The following PRKACB variants were observed in gnomAD, a reference collection of about 807,000 sequenced individuals.
PRKACB encodes the protein cAMP-dependent protein kinase catalytic subunit beta.
PRKACB carries 16 observed loss-of-function variants against 51.4 expected under a neutral mutation model. The observed-to-expected ratio is 0.31, with a 90% CI of 0.21 to 0.47. The LOEUF is 0.47. Ranked by LOEUF, PRKACB falls within the 20% of genes least tolerant of loss-of-function variation. PRKACB has a pLI of 1.00. For synonymous variants in PRKACB, 147 were observed against 154.4 expected, an observed-to-expected ratio of 0.95 and a Z score of 0.35; for missense variants, 309 against 464.5, an observed-to-expected ratio of 0.67 and a Z score of 3.08.
chr1:84,081,095 G>A (rs1275622897), intron 1 of PRKACB, among the ~76,000 whole-genome samples: 1 of 152,168 alleles, frequency 6.6e-6, no homozygotes, highest in Non-Finnish European at 1.5e-5. Flanking sequence ...TTGAAAAGTT[G>A]ATTAAAAATA....
intron 8 of PRKACB, among the ~76,000 whole-genome samples, chr1:84,206,822 G>A (rs915996460): frequency 1.3e-5 from 2 of 152,170 alleles, no homozygotes; most frequent in Non-Finnish European, 2.9e-5. Flanking sequence ...TACTATTCAA[G>A]TTGCCAGACA....
At chr1:84,227,370 GT>G (rs1421958180) in intron 9 of PRKACB, among the ~76,000 whole-genome samples, 5 of 151,554 alleles carry the variant, frequency 3.3e-5, no homozygotes, top group Admixed American at 3.3e-4. Context: ...TATCTTTATT[GT>G]TGTATTTATT....
intron 1 of PRKACB, among the ~76,000 whole-genome samples, chr1:84,105,346 A>G (rs912998233): frequency 6.6e-6 from 1 of 152,136 alleles, no homozygotes. Flanking sequence ...TCTTTCATGG[A>G]AAAGTCATTC....
chr1:84,220,300 C>A (rs1452743349), intron 9 of PRKACB, among the ~76,000 whole-genome samples: 1 of 151,854 alleles, frequency 6.6e-6, no homozygotes, highest in Non-Finnish European at 1.5e-5. Flanking sequence ...TTTTTATGTT[C>A]ATTTTGTATT....
At chr1:84,175,082 A>G in intron 1 of PRKACB, 1 of 1,418,898 alleles carries the variant, frequency 7.0e-7, no homozygotes, top group Non-Finnish European at 9.2e-7. Flanking sequence ...TTAATAAAAC[A>G]AATATTACCT....
intron 1 of PRKACB, among the ~76,000 whole-genome samples, chr1:84,090,869 G>T (rs570768173): frequency 1.1e-3 from 168 of 152,252 alleles, no homozygotes; most frequent in African/African-American, 3.9e-3. Flanking sequence ...TTGGGGACAT[G>T]TAGAAATCAC....
intron 8 of PRKACB, among the ~76,000 whole-genome samples, chr1:84,205,874 A>G (rs1282598890): frequency 6.6e-6 from 1 of 152,080 alleles, no homozygotes; most frequent in Non-Finnish European, 1.5e-5. Flanking sequence ...TGAGTCTACA[A>G]ATTCATAGTT....
chr1:84,223,694 C>T (rs1674120721), intron 9 of PRKACB, among the ~76,000 whole-genome samples: 1 of 152,002 alleles, frequency 6.6e-6, no homozygotes, highest in South Asian at 2.1e-4. Context: ...TATGCTATCT[C>T]TCTGTTGAAT....
At chr1:84,111,525 G>T (rs1312546679) in intron 1 of PRKACB, among the ~76,000 whole-genome samples, 1 of 151,874 alleles carries the variant, frequency 6.6e-6, no homozygotes, top group Non-Finnish European at 1.5e-5. Flanking sequence ...TCCATTATTT[G>T]ATTTTATAGA....
chr1:84,185,417 AT>A (rs1664799338), intron 5 of PRKACB, among the ~76,000 whole-genome samples: 1 of 151,840 alleles, frequency 6.6e-6, no homozygotes, highest in Non-Finnish European at 1.5e-5. Context: ...ACTGCTAGAT[AT>A]TGTGAGGGTC....
At chr1:84,215,499 C>T (rs965786803) in intron 9 of PRKACB, among the ~76,000 whole-genome samples, 1 of 152,102 alleles carries the variant, frequency 6.6e-6, no homozygotes, top group African/African-American at 2.4e-5. Context: ...ACTCTTTGCT[C>T]GCTAAAGGGA....
chr1:84,197,043 T>G (rs755942839), intron 6 of PRKACB, among the ~76,000 whole-genome samples: 2 of 152,190 alleles, frequency 1.3e-5, no homozygotes, highest in Non-Finnish European at 2.9e-5. Context: ...TTTACATGTA[T>G]TATTTCTTTA....
chr1:84,145,419 C>G (rs1357360858), intron 1 of PRKACB, among the ~76,000 whole-genome samples: 3 of 152,090 alleles, frequency 2.0e-5, no homozygotes, highest in Admixed American at 1.3e-4. Context: ...TAGCGTTTGA[C>G]TCTTTCTGTT....
chr1:84,098,182 A>G (rs938894981), intron 1 of PRKACB, among the ~76,000 whole-genome samples: 4 of 152,026 alleles, frequency 2.6e-5, no homozygotes, highest in Non-Finnish European at 4.4e-5. Context: ...TCTTTTGCCT[A>G]TTTTTCTACT....
chr1:84,234,386 C>T (rs1321057134), intron 9 of PRKACB, among the ~76,000 whole-genome samples: 1 of 152,182 alleles, frequency 6.6e-6, no homozygotes, highest in Non-Finnish European at 1.5e-5. Flanking sequence ...TGCCCTGCCC[C>T]CAGAGGTGGA....
intron 5 of PRKACB, among the ~76,000 whole-genome samples, chr1:84,185,567 AAAT>A (rs1664839891): frequency 6.6e-6 from 1 of 151,750 alleles, no homozygotes; most frequent in South Asian, 2.1e-4. Context: ...ATATATAGAG[AAAT>A]AATAATAATA....
intron 5 of PRKACB, among the ~76,000 whole-genome samples, chr1:84,191,481 T>C (rs1666774893): frequency 6.6e-6 from 1 of 152,086 alleles, no homozygotes; most frequent in African/African-American, 2.4e-5. Context: ...ATATACACCA[T>C]GGAATAGTAT....
chr1:84,236,073 T>G lies in PRKACB; in HGVS notation c.*768T>G, dbSNP rs1002126185. The G allele has an allele frequency of 1.3e-5, 2 of 152,628 alleles. No homozygotes were observed. Among genetic ancestry groups the G allele is most frequent in the African/African-American group, 4.8e-5 (2 of 41,454 alleles). The allele number at this position is 152,628 out of a possible 1,614,324, so 9.5% of individuals were successfully genotyped here. On this transcript the variant is annotated 3_prime_UTR_variant, in exon 10 of 10. Coordinates refer to ENST00000370685, the MANE Select transcript of PRKACB (RefSeq NM_182948.4). Reference sequence around the variant, plus strand: ...CTAATGATATGGATCATCACCCAGATTCTCTCACTTGGTACCAGCATTTCT... The same window carrying G: ...CTAATGATATGGATCATCACCCAGAGTCTCTCACTTGGTACCAGCATTTCT...
At chr1:84,233,320 G>A (rs1676060742) in intron 9 of PRKACB, among the ~76,000 whole-genome samples, 1 of 151,322 alleles carries the variant, frequency 6.6e-6, no homozygotes, top group Admixed American at 6.6e-5. Context: ...AGGGTAACCT[G>A]ACCTTTCTCT....
Sources: gnomAD v4.1 joint callset for allele counts (sites outside exome capture counted in the v4.1 genomes callset) on GRCh38, gnomAD v4.1.1 for gene constraint, MANE v1.5 for transcripts, NCBI Gene and HGNC (gene_info 2026-07-23, HGNC 2026-07-21) for gene names.